The following ARHGAP22 variants were observed in gnomAD, a reference collection of about 807,000 sequenced individuals.
ARHGAP22 encodes rho GTPase-activating protein 22.
ARHGAP22 carries 48 observed loss-of-function variants against 59.1 expected under a neutral mutation model. That is an observed-to-expected ratio of 0.81 (90% CI 0.64 to 1.03). ARHGAP22 has a LOEUF of 1.03. Ranked by LOEUF, ARHGAP22 falls within the 50% of genes least tolerant of loss-of-function variation. The pLI is 0.00. For missense variants in ARHGAP22, 1,015 were observed against 958.7 expected (o/e 1.06, Z -0.78); for synonymous variants, 445 against 416.4 (o/e 1.07, Z -0.84).
chr10:48,536,127 C>T (rs1370212927), intron 3 of ARHGAP22, among the ~76,000 whole-genome samples: 2 of 152,212 alleles, frequency 1.3e-5, no homozygotes, highest in African/African-American at 4.8e-5. Context: ...TGCAATTCTT[C>T]GAGGGTGTTC....
intron 1 of ARHGAP22, among the ~76,000 whole-genome samples, chr10:48,644,503 A>G (rs2062206817): frequency 6.6e-6 from 1 of 152,236 alleles, no homozygotes; most frequent in South Asian, 2.1e-4. Flanking sequence ...TACATTTAGA[A>G]TATTCTCTAG....
chr10:48,489,172 GA>G (rs572151432), intron 3 of ARHGAP22, among the ~76,000 whole-genome samples: 54 of 152,220 alleles, frequency 3.5e-4, no homozygotes, highest in African/African-American at 1.3e-3. Flanking sequence ...GTCCAGAAGT[GA>G]AAACCCTATT....
intron 3 of ARHGAP22, among the ~76,000 whole-genome samples, chr10:48,549,933 G>T (rs564804936): frequency 6.6e-6 from 1 of 152,132 alleles, no homozygotes; most frequent in Non-Finnish European, 1.5e-5. Context: ...ACCACTGCCC[G>T]ACACCATTCT....
At chr10:48,649,172 A>G (rs1290615359) in intron 1 of ARHGAP22, among the ~76,000 whole-genome samples, 2 of 152,118 alleles carry the variant, frequency 1.3e-5, no homozygotes, top group South Asian at 2.1e-4. Flanking sequence ...TCCACCTACC[A>G]TTCCTCCCTT....
chr10:48,575,052 T>A (rs2135526350), intron 2 of ARHGAP22: 1 of 152,228 alleles, frequency 6.6e-6, no homozygotes, highest in South Asian at 2.1e-4. Context: ...CAAAATAGAG[T>A]GAATTCTCAC....
chr10:48,530,303 A>G (rs1002732398), intron 3 of ARHGAP22, among the ~76,000 whole-genome samples: 27 of 151,734 alleles, frequency 1.8e-4, no homozygotes, highest in African/African-American at 6.5e-4. Context: ...AAGACCTGAA[A>G]CTGTAAAAAT....
At chr10:48,508,341 C>T (rs889485989) in intron 3 of ARHGAP22, among the ~76,000 whole-genome samples, 4 of 152,212 alleles carry the variant, frequency 2.6e-5, no homozygotes, top group South Asian at 2.1e-4. Context: ...GACCTGCTGA[C>T]GACAAGTGGC....
the ARHGAP22 span, among the ~76,000 whole-genome samples, chr10:48,439,998 A>C: frequency 1.3e-5 from 2 of 152,222 alleles, no homozygotes; most frequent in Non-Finnish European, 2.9e-5. Flanking sequence ...ACCGTCATAG[A>C]GAGGCCTCCC....
intron 1 of ARHGAP22, among the ~76,000 whole-genome samples, chr10:48,643,300 A>G (rs116362160): frequency 0.058 from 8,821 of 152,146 alleles, 817 homozygotes; most frequent in African/African-American, 0.2. Flanking sequence ...GCCGCAATAA[A>G]CACGCATGTT....
intron 1 of ARHGAP22, among the ~76,000 whole-genome samples, chr10:48,586,991 C>T (rs577800728): frequency 2.6e-5 from 4 of 152,226 alleles, no homozygotes; most frequent in Admixed American, 2.6e-4. Context: ...TTTCCAGACA[C>T]CTGTAGCACC....
the ARHGAP22 span, chr10:48,437,471 TCTTA>T: frequency 1.9e-4 from 29 of 152,330 alleles, no homozygotes; most frequent in African/African-American, 6.3e-4. Flanking sequence ...ATACTCACTG[TCTTA>T]CTATCAGAAA....
chr10:48,650,146 CTTTTTTTTT>C (rs11386532), intron 1 of ARHGAP22, among the ~76,000 whole-genome samples: 4 of 82,058 alleles, frequency 4.9e-5, no homozygotes, highest in African/African-American at 9.1e-5. Context: ...GCTGGAGACT[CTTTTTTTTT>C]TTTTTTTTTT....
At chr10:48,612,432 G>A (rs567771991) in intron 1 of ARHGAP22, among the ~76,000 whole-genome samples, 39 of 152,284 alleles carry the variant, frequency 2.6e-4, no homozygotes, top group African/African-American at 8.4e-4. Context: ...ACCCTGCCTG[G>A]GTTTTGAATC....
At chr10:48,495,250 G>C (rs1382318192) in intron 3 of ARHGAP22, among the ~76,000 whole-genome samples, 1 of 152,112 alleles carries the variant, frequency 6.6e-6, no homozygotes, top group Non-Finnish European at 1.5e-5. Context: ...GAGGTAACAG[G>C]CAATCTCTCT....
At chr10:48,454,928 A>G (rs1324529386) in intron 6 of ARHGAP22, 74 bp downstream of exon 6, 1 of 1,452,398 alleles carries the variant, frequency 6.9e-7, no homozygotes, top group East Asian at 2.4e-5. Context: ...GAAAAGTCAG[A>G]GTCTGTGTCC....
chr10:48,584,886 C>A (rs367611723), intron 1 of ARHGAP22, among the ~76,000 whole-genome samples: 1 of 151,368 alleles, frequency 6.6e-6, no homozygotes, highest in Admixed American at 6.6e-5. Context: ...CCCAGCTACT[C>A]GGGAGGCTGA....
chr10:48,610,127 A>G (rs972631871), intron 1 of ARHGAP22, among the ~76,000 whole-genome samples: 5 of 152,100 alleles, frequency 3.3e-5, no homozygotes, highest in African/African-American at 1.2e-4. Context: ...TGGCTCCACC[A>G]TCTCTGTCCC....
At chr10:48,631,316 C>G (rs2061621390) in intron 1 of ARHGAP22, among the ~76,000 whole-genome samples, 1 of 152,156 alleles carries the variant, frequency 6.6e-6, no homozygotes, top group Admixed American at 6.5e-5. Flanking sequence ...GTTAGCCTCA[C>G]AGAATGAGTT....
chr10:48,577,406 G>C (rs190949613), intron 2 of ARHGAP22, among the ~76,000 whole-genome samples: 1 of 152,292 alleles, frequency 6.6e-6, no homozygotes, highest in East Asian at 1.9e-4. Context: ...ACTTGAGAAT[G>C]GTTCTCTATG....
Sources: gnomAD v4.1 joint callset for allele counts (sites outside exome capture counted in the v4.1 genomes callset) on GRCh38, gnomAD v4.1.1 for gene constraint, MANE v1.5 for transcripts, NCBI Gene and HGNC (gene_info 2026-07-23, HGNC 2026-07-21) for gene names.